Variants in EXOC5 observed in about 807,000 individuals in gnomAD.
The protein encoded by EXOC5 is exocyst complex component 5.
A neutral mutation model predicts 90.8 loss-of-function variants in EXOC5; 17 were observed. The observed-to-expected ratio is 0.19, with a 90% CI of 0.13 to 0.28. EXOC5 has a LOEUF of 0.28. Among genes scored for constraint, EXOC5 ranks in the 10% least tolerant of loss-of-function variants. EXOC5 has a pLI of 1.00. For synonymous variants in EXOC5, 260 were observed against 270.0 expected (o/e 0.96, Z 0.36); for missense variants, 569 against 830.6 (o/e 0.69, Z 3.87).
At chr14:57,251,154 T>G (rs575804433) in intron 1 of EXOC5, among the ~76,000 whole-genome samples, 85 of 152,332 alleles carry the variant, frequency 5.6e-4, no homozygotes, top group Middle Eastern at 6.8e-3. Context: ...GTGGTAATTT[T>G]GGTCAATTTC....
rs1882703466 is a variant in EXOC5, at chr14:57,207,791, A to G, written c.*818T>C. 1 of 152,050 alleles carries G rather than the reference A, an allele frequency of 6.6e-6. No homozygotes were observed. The highest frequency in any genetic ancestry group is 2.4e-5 in the African/African-American group (1 of 41,402). The allele number at this position is 152,050 out of a possible 1,614,324, so 9.4% of individuals were successfully genotyped here. On this transcript the variant is annotated 3_prime_UTR_variant, in exon 18 of 18. Transcript: ENST00000621441. The stretch of plus-strand genomic sequence containing the variant: ...CTCACTTTTTTTTACTTCCCTTATA[A>G]TATTAAAATAATGAATAAATATGGT...
chr14:57,267,889 T>TTA (rs1256249998), intron 1 of EXOC5, among the ~76,000 whole-genome samples: 2 of 152,206 alleles, frequency 1.3e-5, no homozygotes, highest in African/African-American at 4.8e-5. Context: ...TTAAGGTGCA[T>TTA]TATATACATG....
At chr14:57,231,940 T>C (rs1481837931) in intron 10 of EXOC5, 4 of 406,036 alleles carry the variant, frequency 9.9e-6, no homozygotes, top group Non-Finnish European at 1.8e-5. Context: ...TGTTATAAAT[T>C]CCTAGGAAAA....
rs180909548 is a variant in EXOC5 at position 57,212,768 on chromosome 14, C to T, written c.1614-2707G>A. Among the ~76,000 whole-genome samples the T allele has an allele frequency of 1.9e-3, 287 of 152,272 alleles. 2 individuals carry two copies. Among genetic ancestry groups the T allele is most frequent in the African/African-American group, 6.5e-3 (271 of 41,556 alleles). ...GTGTCTGTTCTTAACTTTTGGCAAA[C>T]GGCCCATTGAACAGCCACGATTCCC... is the stretch of plus-strand genomic sequence containing the variant. On this transcript the variant is annotated intron_variant, in intron 15 of 17. Coordinates refer to ENST00000621441, the MANE Select transcript of EXOC5 (RefSeq NM_006544.4).
At chr14:57,240,623 T>A (rs1350881672) in intron 4 of EXOC5, among the ~76,000 whole-genome samples, 1 of 152,046 alleles carries the variant, frequency 6.6e-6, no homozygotes, top group African/African-American at 2.4e-5. Context: ...CTAAGGAACT[T>A]AGGCAAGAGT....
At chr14:57,229,977 TGGACCAA>T (rs1334075536) in intron 11 of EXOC5, 96 bp from the exon 12 acceptor site, 9 of 616,762 alleles carry the variant, frequency 1.5e-5, no homozygotes, top group African/African-American at 1.3e-4. Context: ...ACAACAAAAA[TGGACCAA>T]TAGCCAAGAG....
rs979376338 is a variant in EXOC5, at chr14:57,204,039, C to G, written c.*4570G>C. On this transcript the variant is annotated 3_prime_UTR_variant, in exon 18 of 18. Coordinates refer to ENST00000621441, the MANE Select transcript of EXOC5 (RefSeq NM_006544.4). ...ATGATGTGATATATTCCTATTTAAA[C>G]TGGCTTTGTATGGTGAGGCAGACTG... 1 of 152,488 alleles carries G rather than the reference C, an allele frequency of 6.6e-6. No homozygotes were observed. Among genetic ancestry groups the G allele is most frequent in the African/African-American group, 2.4e-5 (1 of 41,462 alleles). The allele number at this position is 152,488 out of a possible 1,614,324, so 9.4% of individuals were successfully genotyped here.
intron 15 of EXOC5, among the ~76,000 whole-genome samples, chr14:57,213,990 G>A (rs1882900740): frequency 1.3e-5 from 2 of 152,102 alleles, no homozygotes; most frequent in South Asian, 4.1e-4. Flanking sequence ...CAAACAAAAA[G>A]ATAAACATAA....
chr14:57,259,522 A>G (rs1164084076), intron 1 of EXOC5, among the ~76,000 whole-genome samples: 2 of 152,132 alleles, frequency 1.3e-5, no homozygotes, highest in African/African-American at 2.4e-5. Context: ...TTTCAAGCCC[A>G]TGCTACTCCT....
chr14:57,243,261 C>T (rs1239577871), intron 4 of EXOC5: 4 of 152,060 alleles, frequency 2.6e-5, no homozygotes, highest in Non-Finnish European at 4.4e-5. Flanking sequence ...TCAAAAACAC[C>T]TTTTCTTTAG....
rs1474334327 is a variant in EXOC5 at position 57,201,496 on chromosome 14, G to GTA, written c.*7111_*7112dup. 1 of 122,692 alleles carries GTA rather than the reference G, an allele frequency of 8.2e-6. No individual in the cohort carries two copies. The highest frequency in any genetic ancestry group is 4.2e-5 in the African/African-American group (1 of 23,840). The allele number at this position is 122,692 out of a possible 1,614,324, so 7.6% of individuals were successfully genotyped here. A position where few individuals can be genotyped will look rare whatever the true frequency, so the allele number is the denominator to read the frequency against. The stretch of plus-strand genomic sequence containing the variant: ...TACACACACGTGTATAAACACACGT[G>GTA]TATATACACACACATATGTATATAT... On this transcript the variant is annotated 3_prime_UTR_variant, in exon 18 of 18. Transcript: ENST00000621441.
At chr14:57,226,812 A>G (rs1027767698) in intron 12 of EXOC5, among the ~76,000 whole-genome samples, 1 of 152,192 alleles carries the variant, frequency 6.6e-6, no homozygotes, top group East Asian at 1.9e-4. Flanking sequence ...GATCCACAAT[A>G]CTGTATAACT....
intron 1 of EXOC5, among the ~76,000 whole-genome samples, chr14:57,265,817 G>A (rs559892807): frequency 2.0e-5 from 3 of 152,344 alleles, no homozygotes; most frequent in South Asian, 4.1e-4. Flanking sequence ...TACTCAGAAT[G>A]TCTATCCTGA....
chr14:57,255,376 C>T (rs1884320798), intron 1 of EXOC5, among the ~76,000 whole-genome samples: 1 of 152,092 alleles, frequency 6.6e-6, no homozygotes, highest in Non-Finnish European at 1.5e-5. Flanking sequence ...TCCTCAGAGG[C>T]AGTGTTTGTT....
At chr14:57,234,277 A>C (rs1650877253) in intron 7 of EXOC5, among the ~76,000 whole-genome samples, 1 of 151,852 alleles carries the variant, frequency 6.6e-6, no homozygotes, top group Admixed American at 6.6e-5. Flanking sequence ...CTTTAGACTA[A>C]AACAAGAAAG....
chr14:57,263,119 C>G (rs1460346664), intron 1 of EXOC5, among the ~76,000 whole-genome samples: 1 of 152,054 alleles, frequency 6.6e-6, no homozygotes, highest in Admixed American at 6.6e-5. Flanking sequence ...TCTCCCTGAC[C>G]CTTACCCAAA....
intron 5 of EXOC5, among the ~76,000 whole-genome samples, chr14:57,238,371 TATATACACAC>T (rs1429717331): frequency 1.0e-5 from 1 of 97,286 alleles, no homozygotes; most frequent in African/African-American, 3.6e-5. Flanking sequence ...TATATATATA[TATATACACAC>T]ACACACACAC....
intron 12 of EXOC5, among the ~76,000 whole-genome samples, chr14:57,222,806 CACAT>C (rs1479748559): frequency 6.6e-6 from 1 of 151,402 alleles, no homozygotes; most frequent in African/African-American, 2.4e-5. Context: ...CATACACACA[CACAT>C]ACATACATAC....
At chr14:57,260,126 C>A (rs1354019714) in intron 1 of EXOC5, among the ~76,000 whole-genome samples, 1 of 152,186 alleles carries the variant, frequency 6.6e-6, no homozygotes, top group Admixed American at 6.5e-5. Context: ...CCTCTACTTT[C>A]TAACCCCATT....
Sources: allele counts gnomAD v4.1 joint callset (sites outside exome capture counted in the v4.1 genomes callset), GRCh38; gene constraint gnomAD v4.1.1; transcripts MANE v1.5; gene names NCBI Gene and HGNC (gene_info 2026-07-23, HGNC 2026-07-21).